CCNE1: variants seen among roughly 807,000 people sequenced by gnomAD.
CCNE1 encodes the protein cyclin E1, also known as G1/S-specific cyclin-E1.
CCNE1 carries 8 observed loss-of-function variants against 54.1 expected under a neutral mutation model. The observed-to-expected ratio is 0.15, with a 90% confidence interval of 0.09 to 0.27. The LOEUF is 0.27. CCNE1 is among the 10% of genes least tolerant of loss of function. The pLI is 1.00. For synonymous variants in CCNE1, 179 were observed against 185.2 expected (o/e 0.97, Z 0.27); for missense variants, 430 against 514.9 (o/e 0.84, Z 1.60).
chr19:29,813,006 A>G lies in CCNE1; in HGVS notation c.149A>G (p.Asp50Gly). 1 of 1,614,074 alleles carries G rather than the reference A, an allele frequency of 6.2e-7. No individual in the cohort carries two copies. The highest frequency in any genetic ancestry group is 8.5e-7 in the Non-Finnish European group (1 of 1,180,012). Reference protein sequence around the residue: ...QDPDEEMAKIDRTARDQCGSQ... With the variant: ...QDPDEEMAKIGRTARDQCGSQ... ...CCAGATGAAGAAATGGCCAAAATCGACAGGACGGCGAGGGACCAGTGTGGG... is the reference window on the plus strand; with the variant it reads ...CCAGATGAAGAAATGGCCAAAATCGGCAGGACGGCGAGGGACCAGTGTGGG... Residue 50 changes from aspartate (D) to glycine (G), a missense_variant, in exon 4 of 12, where the codon GAC becomes GGC. Transcript: ENST00000262643.
chr19:29,817,121 T>C lies in CCNE1; in HGVS notation c.181-16T>C. On this transcript the variant is annotated splice_polypyrimidine_tract_variant and intron_variant, in intron 4 of 11. Coordinates refer to ENST00000262643, the MANE Select transcript of CCNE1 (RefSeq NM_001238.4). ...TGCATCTTATCTCACCTCTCCTGTG[T>C]ATTTTTCATTTACAGCCTTGGGACA... 6.2e-7 allele frequency: 1 copy of C among 1,613,258 alleles called. No homozygotes were observed. The highest frequency in any genetic ancestry group is 8.5e-7 in the Non-Finnish European group (1 of 1,179,548).
chr19:29,823,551 G>GGA (rs2145731893), intron 11 of CCNE1, 104 bp from the exon 12 acceptor site: 2 of 846,720 alleles, frequency 2.4e-6, no homozygotes, highest in Non-Finnish European at 3.2e-6. Context: ...TCCATCTTGA[G>GGA]AAAAAAAAAA....
At chr19:29,815,081 T>C (rs1374744102) in intron 4 of CCNE1, among the ~76,000 whole-genome samples, 2 of 152,236 alleles carry the variant, frequency 1.3e-5, no homozygotes, top group African/African-American at 2.4e-5. Context: ...GACTTAATTA[T>C]TCTACCTCAT....
Position 29,812,588 on chromosome 19 carries a change from C to T in CCNE1, c.23+10C>T. 14 of 1,524,524 alleles carry T rather than the reference C, an allele frequency of 9.2e-6. No individual in the cohort carries two copies. The highest frequency in any genetic ancestry group is 1.2e-5 in the Non-Finnish European group (14 of 1,138,514). 94.4% of individuals were successfully genotyped at this position (1,524,524 alleles called of 1,614,324 possible). A position where few individuals can be genotyped will look rare whatever the true frequency, so the allele number is the denominator to read the frequency against. On this transcript the variant is annotated intron_variant, in intron 2 of 11. Transcript: ENST00000262643. The stretch of plus-strand genomic sequence containing the variant: ...GGGAGCGCAGGGAGCGGTGAGTGCC[C>T]GCGCCGCGGGGCCGGACGGGACGGG...
intron 11 of CCNE1, 144 bp from the exon 12 acceptor site, chr19:29,823,511 T>C (rs1333038372): frequency 9.4e-6 from 5 of 533,970 alleles, no homozygotes; most frequent in Non-Finnish European, 1.5e-5. Context: ...ATCCCACCAC[T>C]GTACTACAGT....
chr19:29,817,086 A>C (rs371619938), intron 4 of CCNE1, 51 bp from the exon 5 acceptor site: 97 of 1,582,746 alleles, frequency 6.1e-5, no homozygotes, highest in Non-Finnish European at 7.9e-5. Flanking sequence ...TGGGTAATGT[A>C]AGAGCTGTTT....
rs5827671 is a variant in CCNE1 at position 29,813,679 on chromosome 19, A to ATT, written c.180+650_180+651dup. On this transcript the variant is annotated intron_variant, in intron 4 of 11. Coordinates refer to ENST00000262643, the MANE Select transcript of CCNE1 (RefSeq NM_001238.4). ...GTAATGATAGGTGGTGTCTCAATAC[A>ATT]TTTTTTTTTGACTGCTTTTCTTTTC... 1.4e-4 allele frequency among the ~76,000 whole-genome samples: 21 copies of ATT among 151,290 alleles called. 1 individual carries two copies. The highest frequency in any genetic ancestry group is 6.3e-4 in the South Asian group (3 of 4,792).
rs941120888 is a variant in CCNE1, at chr19:29,822,837, G to T, written c.1110+234G>T. 4.0e-5 allele frequency among the ~76,000 whole-genome samples: 6 copies of T among 151,824 alleles called. No individual in the cohort carries two copies. In the South Asian group the frequency reaches 1.2e-3, roughly 31 times the overall value. The stretch of plus-strand genomic sequence containing the variant: ...TGGGCACCTGTAGTCCCAGCTACTC[G>T]AGAGGCTAAGGCAGGAGAATCATCT... On this transcript the variant is annotated intron_variant, in intron 11 of 11. Coordinates refer to ENST00000262643, the MANE Select transcript of CCNE1 (RefSeq NM_001238.4).
In CCNE1 at chr19:29,822,362, T is replaced by C. The variant is rs1417365960; in HGVS notation, c.952+11T>C. 2.5e-6 allele frequency: 4 copies of C among 1,613,760 alleles called. No individual in the cohort carries two copies. The African/African-American group carries it at 4.0e-5, about 16-fold the overall frequency. On this transcript the variant is annotated intron_variant, in intron 10 of 11. Transcript: ENST00000262643. ...TGCAAAAGGTTTCAGGTAAGTTGGCTTTCCAGTGCATGCACAAACAAGGTG... is the reference window on the plus strand; with the variant it reads ...TGCAAAAGGTTTCAGGTAAGTTGGCCTTCCAGTGCATGCACAAACAAGGTG...
rs778868229 is a variant in CCNE1 at position 29,815,622 on chromosome 19, C to CTTTTT, written c.181-1501_181-1497dup. The stretch of plus-strand genomic sequence containing the variant: ...CTTTAGTCAATGTTAATGGTCTCTG[C>CTTTTT]TTTTTTTTTTTTTTTTTTGGGGGGG... On this transcript the variant is annotated intron_variant, in intron 4 of 11. Coordinates refer to ENST00000262643, the MANE Select transcript of CCNE1 (RefSeq NM_001238.4). Among the ~76,000 whole-genome samples, 12 of 99,624 alleles carry CTTTTT rather than the reference C, an allele frequency of 1.2e-4. No homozygotes were observed. The South Asian group carries it at 4.2e-3, about 35-fold the overall frequency. 65.4% of individuals were successfully genotyped at this position (99,624 alleles called of 152,430 possible).
rs1974215661 is a variant in CCNE1 at position 29,823,901 on chromosome 19, A to G, written c.*124A>G. 1.8e-6 allele frequency: 2 copies of G among 1,099,636 alleles called. No individual in the cohort carries two copies. The highest frequency in any genetic ancestry group is 2.5e-5 in the East Asian group (1 of 39,708). 68.1% of individuals were successfully genotyped at this position (1,099,636 alleles called of 1,614,324 possible). Reference sequence around the variant, plus strand: ...AATGGAAGAGTGTTTCTTCCACAACAGAAGTATTTCTGTGGATGGCATCAA... The same window carrying G: ...AATGGAAGAGTGTTTCTTCCACAACGGAAGTATTTCTGTGGATGGCATCAA... On this transcript the variant is annotated 3_prime_UTR_variant, in exon 12 of 12. Coordinates refer to ENST00000262643, the MANE Select transcript of CCNE1 (RefSeq NM_001238.4).
intron 4 of CCNE1, among the ~76,000 whole-genome samples, chr19:29,814,028 G>A (rs530225049): frequency 6.2e-4 from 94 of 152,316 alleles, no homozygotes; most frequent in Non-Finnish European, 9.6e-4. Context: ...AACGCAGTGC[G>A]CCGTGTTCTA....
rs1230391073 is a variant in CCNE1 at position 29,812,784 on chromosome 19, C to T, written c.111+8C>T. On this transcript the variant is annotated splice_region_variant and intron_variant, in intron 3 of 11. Transcript: ENST00000262643. The stretch of plus-strand genomic sequence containing the variant: ...AAGGCAAACGTGACCGTTGTGAGTA[C>T]AAAAGAGACAGGTTGGGGAGCATCC... The T allele has an allele frequency of 6.3e-7, 1 of 1,576,514 alleles. No homozygotes were observed. The highest frequency in any genetic ancestry group is 2.3e-5 in the East Asian group (1 of 43,748).
chr19:29,812,468 G>C, intron 1 of CCNE1, 64 bp from the exon 2 acceptor site: 1 of 1,112,482 alleles, frequency 9.0e-7, no homozygotes, highest in Non-Finnish European at 1.1e-6. Context: ...CGCGCGCAAA[G>C]GGGGAAGGGG....
At chr19:29,818,026 A>AT (rs35607816) in intron 6 of CCNE1, among the ~76,000 whole-genome samples, 32,915 of 84,502 alleles carry the variant, frequency 0.39, 5,650 homozygotes, top group South Asian at 0.47. Context: ...CACGCCCAGT[A>AT]TTTTTTTTTT....
chr19:29,813,157 G>T (rs1973935689), intron 4 of CCNE1, 120 bp downstream of exon 4: 1 of 879,194 alleles, frequency 1.1e-6, no homozygotes, highest in East Asian at 2.5e-5. Context: ...CTCTAATGCA[G>T]CCACAGCCCA....
At chr19:29,813,925 C>G (rs1973952427) in intron 4 of CCNE1, among the ~76,000 whole-genome samples, 1 of 152,140 alleles carries the variant, frequency 6.6e-6, no homozygotes, top group African/African-American at 2.4e-5. Context: ...AGTGTTCGAC[C>G]TGAGTGCAGG....
At chr19:29,817,865 T>TG (rs1974062832) in intron 6 of CCNE1, among the ~76,000 whole-genome samples, 1 of 143,918 alleles carries the variant, frequency 6.9e-6, no homozygotes, top group Admixed American at 7.0e-5. Flanking sequence ...TGCTTTTTTT[T>TG]TTTTTTTTTT....
At chr19:29,815,891 A>G (rs1291608936) in intron 4 of CCNE1, among the ~76,000 whole-genome samples, 1 of 151,638 alleles carries the variant, frequency 6.6e-6, no homozygotes, top group Non-Finnish European at 1.5e-5. Context: ...GCGGTGGCTC[A>G]GGCTTGTAAT....
Sources: allele counts gnomAD v4.1 joint callset (sites outside exome capture counted in the v4.1 genomes callset), GRCh38; gene constraint gnomAD v4.1.1; transcripts MANE v1.5; gene names NCBI Gene and HGNC (gene_info 2026-07-23, HGNC 2026-07-21).